CDH23: variants seen among roughly 807,000 people sequenced by gnomAD.
The protein encoded by CDH23 is cadherin related 23.
In CDH23, 189 loss-of-function variants were observed where a neutral mutation model predicts 317.1. That is an observed-to-expected ratio of 0.60 (90% CI 0.53 to 0.67). CDH23 has a LOEUF of 0.67. Ranked by LOEUF, CDH23 falls within the 30% of genes least tolerant of loss-of-function variation. CDH23 has a pLI of 0.00. For missense variants in CDH23, 4,401 were observed against 4,592.4 expected (o/e 0.96, Z 1.20); for synonymous variants, 1,839 against 1,876.8 (o/e 0.98, Z 0.52).
At chr10:71,716,106 G>GGT (rs1564752270) in intron 28 of CDH23, 1 of 1,544,008 alleles carries the variant, frequency 6.5e-7, no homozygotes, top group Non-Finnish European at 8.8e-7. Context: ...CTCCCAGGGT[G>GGT]GTGGGGCATG....
chr10:71,509,603 C>T (rs1475073519), intron 3 of CDH23, among the ~76,000 whole-genome samples: 1 of 152,222 alleles, frequency 6.6e-6, no homozygotes, highest in Non-Finnish European at 1.5e-5. Flanking sequence ...AGCAAAAGTC[C>T]CAGGGCTGGC....
intron 1 of CDH23, among the ~76,000 whole-genome samples, chr10:71,398,495 C>T (rs1847635737): frequency 6.8e-6 from 1 of 146,792 alleles, no homozygotes; most frequent in South Asian, 2.1e-4. Context: ...GTCAGACCCT[C>T]ACACAGGGAA....
intron 22 of CDH23, among the ~76,000 whole-genome samples, chr10:71,696,362 C>T (rs1490400750): frequency 1.3e-5 from 2 of 152,222 alleles, no homozygotes; most frequent in African/African-American, 4.8e-5. Flanking sequence ...TCTGAGCCTC[C>T]CCTGAGGGCT....
intron 9 of CDH23, among the ~76,000 whole-genome samples, chr10:71,585,911 G>A (rs1020148549): frequency 6.6e-6 from 1 of 152,152 alleles, no homozygotes; most frequent in Admixed American, 6.6e-5. Flanking sequence ...CTGGTGGGTG[G>A]ACTTTTAAGA....
Position 71,615,583 on chromosome 10 carries a change from C to T in CDH23, c.912C>T (p.Pro304=), listed in dbSNP as rs780170270. The T allele has an allele frequency of 6.2e-7, 1 of 1,613,998 alleles. No homozygotes were observed. Among genetic ancestry groups the T allele is most frequent in the South Asian group, 1.1e-5 (1 of 91,078 alleles). The change falls in exon 10 of 70, where the codon CCC becomes CCT. Residue 304 remains proline (P), a synonymous_variant. Transcript: ENST00000224721. ...ATGGCCTGCTGGACCGGGAGAACCC[C>T]CTGTACAGCCATGGCTTCATCCTGA... ...TLNGLLDREN[P]LYSHGFILTV... is the part of the protein sequence containing the mutation.
chr10:71,656,247 C>T (rs1863411539), intron 14 of CDH23, among the ~76,000 whole-genome samples: 1 of 152,206 alleles, frequency 6.6e-6, no homozygotes, highest in African/African-American at 2.4e-5. Flanking sequence ...CTGAAATCTG[C>T]CCTGCCTCTC....
chr10:71,721,898 C>T (rs1374660322), intron 28 of CDH23, among the ~76,000 whole-genome samples: 4 of 152,250 alleles, frequency 2.6e-5, no homozygotes, highest in Non-Finnish European at 5.9e-5. Flanking sequence ...CCAGCTGCCT[C>T]TACTTCAGCT....
At chr10:71,760,145 ATGTG>A (rs201152465) in intron 38 of CDH23, among the ~76,000 whole-genome samples, 6,531 of 42,360 alleles carry the variant, frequency 0.15, 2,297 homozygotes, top group Middle Eastern at 0.44. Context: ...ATACATATAT[ATGTG>A]TGTATATATA....
rs550643004 is a variant in CDH23 at position 71,732,324 on chromosome 10, C to T, written c.4053C>T (p.Asn1351=). The T allele has an allele frequency of 2.3e-5, 36 of 1,595,242 alleles. No individual in the cohort carries two copies. Among genetic ancestry groups the T allele is most frequent in the Middle Eastern group, 1.7e-4 (1 of 6,048 alleles). The stretch of plus-strand genomic sequence containing the variant: ...TCAACCAAATCACGTACCGCTTCAA[C>T]GCCTACACCAGCACCCAGGCCAAAG... ...DNLNQITYRF[N]AYTSTQAKAL... Residue 1351 remains asparagine (N), a synonymous_variant, in exon 32 of 70, where the codon AAC becomes AAT. Coordinates refer to ENST00000224721, the MANE Select transcript of CDH23 (RefSeq NM_022124.6).
chr10:71,794,782 A>T (rs1841356692), intron 48 of CDH23, among the ~76,000 whole-genome samples: 2 of 152,220 alleles, frequency 1.3e-5, no homozygotes, highest in African/African-American at 4.8e-5. Flanking sequence ...CATAAGGGAC[A>T]CTTGTACCAC....
At chr10:71,408,837 A>T (rs991750127) in intron 1 of CDH23, among the ~76,000 whole-genome samples, 1 of 152,078 alleles carries the variant, frequency 6.6e-6, no homozygotes, top group African/African-American at 2.4e-5. Context: ...GTGTAGACAT[A>T]GTTTATCTGT....
chr10:71,782,089 T>G (rs2132934280), intron 41 of CDH23, among the ~76,000 whole-genome samples: 1 of 152,344 alleles, frequency 6.6e-6, no homozygotes, highest in East Asian at 1.9e-4. Flanking sequence ...GCTGGAAGGC[T>G]GCTTTCTATA....
At position 71,751,542 on chromosome 10, in the gene CDH23, C is replaced by A; in HGVS notation, c.4845+9621C>A. ...TGAATGGGGGCCCCTCTGTCCCTCA[C>A]CCTCAACCCCACCCCGTGAGGCCGT... On this transcript the variant is annotated intron_variant, in intron 38 of 69. Coordinates refer to ENST00000224721, the MANE Select transcript of CDH23 (RefSeq NM_022124.6). This position sits in a 1 kb window ranked among gnomAD's most constrained non-coding sequence, Gnocchi z 4.9. The A allele has an allele frequency of 1.1e-6, 1 of 935,540 alleles. No individual in the cohort carries two copies. The highest frequency in any genetic ancestry group is 1.9e-5 in the South Asian group (1 of 52,434). The allele number at this position is 935,540 out of a possible 1,614,324, so 58.0% of individuals were successfully genotyped here.
intron 1 of CDH23, among the ~76,000 whole-genome samples, chr10:71,433,882 T>A (rs1810534024): frequency 1.3e-5 from 2 of 151,052 alleles, no homozygotes; most frequent in South Asian, 4.2e-4. Context: ...TGGACACCAG[T>A]CTAGCCACTC....
In CDH23 at chr10:71,405,085, A is replaced by G. The variant is rs1052766682; in HGVS notation, c.-6+7767A>G. ...GTATCACTAATTCTGTCCCCGAGGA[A>G]TGCTGGCTTTCCCTGGCTTCGGGTT... is the stretch of plus-strand genomic sequence containing the variant. On this transcript the variant is annotated intron_variant, in intron 1 of 69. Transcript: ENST00000224721. Among the ~76,000 whole-genome samples, 19 of 152,320 alleles carry G rather than the reference A, an allele frequency of 1.2e-4. No homozygotes were observed. In the South Asian group the frequency reaches 2.9e-3, roughly 23 times the overall value.
intron 38 of CDH23, among the ~76,000 whole-genome samples, chr10:71,769,056 T>G (rs894837159): frequency 6.6e-6 from 1 of 152,222 alleles, no homozygotes; most frequent in Non-Finnish European, 1.5e-5. Flanking sequence ...ACAAATGTCA[T>G]GACCAATGAA....
intron 38 of CDH23, chr10:71,762,133 AG>A (rs1340098772): frequency 2.3e-6 from 3 of 1,312,918 alleles, no homozygotes; most frequent in Non-Finnish European, 3.1e-6. Flanking sequence ...GCCACAGGCC[AG>A]GGGCATGTCA....
chr10:71,612,755 G>A (rs1860977455), intron 9 of CDH23, among the ~76,000 whole-genome samples: 1 of 152,226 alleles, frequency 6.6e-6, no homozygotes, highest in Non-Finnish European at 1.5e-5. Context: ...GGGGCTCAGA[G>A]GACCTCAGCC....
At chr10:71,769,201 A>G (rs985488633) in intron 38 of CDH23, among the ~76,000 whole-genome samples, 17 of 152,256 alleles carry the variant, frequency 1.1e-4, no homozygotes, top group Non-Finnish European at 2.2e-4. Flanking sequence ...AGAAAGTCTC[A>G]GTTTGATGCT....
Sources: gnomAD v4.1 joint callset for allele counts (sites outside exome capture counted in the v4.1 genomes callset) on GRCh38, gnomAD v4.1.1 for gene constraint, Gnocchi (gnomAD v3.1) non-coding constraint, MANE v1.5 for transcripts, NCBI Gene and HGNC (gene_info 2026-07-23, HGNC 2026-07-21) for gene names.